Variants in SPAG16 observed in about 807,000 individuals in gnomAD.
SPAG16 encodes sperm-associated antigen 16 protein.
A neutral mutation model predicts 80.4 loss-of-function variants in SPAG16; 86 were observed. The ratio of observed to expected loss-of-function variants is 1.07; its 90% CI spans 0.90 to 1.28. The LOEUF (loss-of-function observed/expected upper bound fraction) is 1.28, where lower values mean the gene tolerates loss of function less well. SPAG16 is among the 50% of genes most tolerant of loss of function. The probability of loss-of-function intolerance (pLI) is 0.00; values close to 1 mark genes in which losing one functional copy is unlikely to be tolerated. For missense variants in SPAG16, 870 were observed against 765.3 expected, an observed-to-expected ratio of 1.14 and a Z score of -1.61; for synonymous variants, 294 against 265.9, an observed-to-expected ratio of 1.11 and a Z score of -1.03.
chr2:214,271,878 A>T (rs1211197342), intron 15 of SPAG16, among the ~76,000 whole-genome samples: 1 of 146,608 alleles, frequency 6.8e-6, no homozygotes. Context: ...AAAAAGGAAG[A>T]ATAGCAGGAG....
chr2:213,991,890 T>TATTC (rs1553689461), intron 12 of SPAG16, among the ~76,000 whole-genome samples: 3 of 151,434 alleles, frequency 2.0e-5, no homozygotes, highest in African/African-American at 4.9e-5. Flanking sequence ...TTTATTTATT[T>TATTC]ATTCTTGTTT....
chr2:213,495,946 C>G (rs996971625), intron 10 of SPAG16, among the ~76,000 whole-genome samples: 1 of 152,110 alleles, frequency 6.6e-6, no homozygotes, highest in Non-Finnish European at 1.5e-5. Context: ...GATCAAAGAG[C>G]CTGTGACTTA....
chr2:214,198,570 C>G (rs147723216), intron 15 of SPAG16, among the ~76,000 whole-genome samples: 1 of 152,140 alleles, frequency 6.6e-6, no homozygotes, highest in South Asian at 2.1e-4. Flanking sequence ...TGTGTGTCCA[C>G]GTATCTTTTT....
intron 12 of SPAG16, among the ~76,000 whole-genome samples, chr2:213,953,998 A>C (rs1024215809): frequency 6.6e-6 from 1 of 152,122 alleles, no homozygotes; most frequent in Non-Finnish European, 1.5e-5. Flanking sequence ...TAATACACAT[A>C]CCACAAAATT....
intron 10 of SPAG16, among the ~76,000 whole-genome samples, chr2:213,693,728 T>G (rs181609575): frequency 2.0e-5 from 3 of 152,326 alleles, no homozygotes; most frequent in African/African-American, 7.2e-5. Context: ...TTAAGTATAT[T>G]TAGTCCTTGG....
chr2:213,597,072 A>G (rs1311946766), intron 10 of SPAG16, among the ~76,000 whole-genome samples: 1 of 152,216 alleles, frequency 6.6e-6, no homozygotes, highest in Non-Finnish European at 1.5e-5. Context: ...CTGAAATAAA[A>G]TTGATATGAG....
chr2:213,534,000 C>T (rs77023451), intron 10 of SPAG16, among the ~76,000 whole-genome samples: 6 of 151,882 alleles, frequency 4.0e-5, no homozygotes, highest in Admixed American at 1.3e-4. Flanking sequence ...TGCATATTTA[C>T]GTTATTTTTA....
At chr2:214,018,790 A>T (rs2047715845) in intron 13 of SPAG16, among the ~76,000 whole-genome samples, 1 of 152,156 alleles carries the variant, frequency 6.6e-6, no homozygotes, top group Non-Finnish European at 1.5e-5. Flanking sequence ...CCAGTGGATT[A>T]TATTCCTATA....
At chr2:213,886,434 T>C (rs1395099566) in intron 11 of SPAG16, among the ~76,000 whole-genome samples, 3 of 152,062 alleles carry the variant, frequency 2.0e-5, no homozygotes, top group African/African-American at 4.8e-5. Context: ...GAGAGGACTA[T>C]TGATTCTGAG....
At chr2:214,190,101 C>A (rs1408533815) in intron 15 of SPAG16, among the ~76,000 whole-genome samples, 2 of 152,036 alleles carry the variant, frequency 1.3e-5, no homozygotes, top group Non-Finnish European at 2.9e-5. Flanking sequence ...TGCATATAGA[C>A]ATATGTAGCC....
chr2:213,558,530 TAA>T (rs2059502286), intron 10 of SPAG16, among the ~76,000 whole-genome samples: 1 of 152,000 alleles, frequency 6.6e-6, no homozygotes, highest in African/African-American at 2.4e-5. Flanking sequence ...AAGTAAAAGA[TAA>T]AGTCTTTATG....
chr2:213,978,668 T>C (rs2045543292), intron 12 of SPAG16, among the ~76,000 whole-genome samples: 1 of 152,150 alleles, frequency 6.6e-6, no homozygotes, highest in South Asian at 2.1e-4. Context: ...CTAGGAATCT[T>C]TGAGTAGCTG....
intron 10 of SPAG16, among the ~76,000 whole-genome samples, chr2:213,540,708 T>C (rs1559235632): frequency 6.6e-6 from 1 of 152,228 alleles, no homozygotes; most frequent in Non-Finnish European, 1.5e-5. Flanking sequence ...TTTGGAGAAG[T>C]TGGAGAATGT....
intron 10 of SPAG16, among the ~76,000 whole-genome samples, chr2:213,693,456 A>G (rs914972534): frequency 6.6e-6 from 1 of 152,222 alleles, no homozygotes; most frequent in African/African-American, 2.4e-5. Flanking sequence ...CTTCACATTT[A>G]TTTACCTTCC....
At chr2:213,696,504 A>G (rs1197122732) in intron 10 of SPAG16, among the ~76,000 whole-genome samples, 1 of 152,160 alleles carries the variant, frequency 6.6e-6, no homozygotes, top group Non-Finnish European at 1.5e-5. Flanking sequence ...CTAATACTTA[A>G]ATAATAATTA....
intron 15 of SPAG16, among the ~76,000 whole-genome samples, chr2:214,297,632 A>G (rs141184410): frequency 1.7e-3 from 258 of 152,184 alleles, no homozygotes; most frequent in African/African-American, 5.9e-3. Flanking sequence ...ACATTGGAAA[A>G]TATAAGTTGG....
intron 12 of SPAG16, among the ~76,000 whole-genome samples, chr2:213,980,926 G>A (rs2045716056): frequency 6.6e-6 from 1 of 151,496 alleles, no homozygotes; most frequent in Non-Finnish European, 1.5e-5. Context: ...AAGAATAAGA[G>A]TAAATACGTT....
intron 10 of SPAG16, among the ~76,000 whole-genome samples, chr2:213,551,367 G>A (rs1180495792): frequency 6.6e-6 from 1 of 152,150 alleles, no homozygotes; most frequent in Non-Finnish European, 1.5e-5. Context: ...ACTGGCAGGT[G>A]GTCTTCATTT....
At chr2:213,874,986 T>A (rs13429597) in intron 11 of SPAG16, among the ~76,000 whole-genome samples, 90,391 of 152,016 alleles carry the variant, frequency 0.59, 28,759 homozygotes, top group South Asian at 0.85. Context: ...TCTGTTGCCC[T>A]GGTTGGAGTG....
Sources: gnomAD v4.1 joint callset for allele counts (sites outside exome capture counted in the v4.1 genomes callset) on GRCh38, gnomAD v4.1.1 for gene constraint, MANE v1.5 for transcripts, NCBI Gene and HGNC (gene_info 2026-07-23, HGNC 2026-07-21) for gene names.